PTPRN2: variants seen among roughly 807,000 people sequenced by gnomAD.
The protein encoded by PTPRN2 is receptor-type tyrosine-protein phosphatase N2.
PTPRN2 carries 74 observed loss-of-function variants against 118.8 expected under a neutral mutation model. The ratio of observed to expected loss-of-function variants is 0.62; its 90% CI spans 0.52 to 0.76. The LOEUF (loss-of-function observed/expected upper bound fraction) is 0.76, where lower values mean the gene tolerates loss of function less well. Ranked by LOEUF, PTPRN2 falls within the 30% of genes least tolerant of loss-of-function variation. The pLI is 0.00. For missense variants in PTPRN2, 1,481 were observed against 1,394.4 expected, an observed-to-expected ratio of 1.06 and a Z score of -0.99; for synonymous variants, 641 against 608.0, an observed-to-expected ratio of 1.05 and a Z score of -0.80.
Position 157,887,789 on chromosome 7 carries a change from G to A in PTPRN2, c.1788+10884C>T, listed in dbSNP as rs112429655. On this transcript the variant is annotated intron_variant, in intron 12 of 22. Transcript: ENST00000389418. ...CCCAGTACCTGCTCCCCCAGTACTC[G>A]CTTCCCCAAGTACCCACTCCCCCAG... Among the ~76,000 whole-genome samples, 283 of 34,650 alleles carry A rather than the reference G, an allele frequency of 8.2e-3. 7 individuals are homozygous for A. Among genetic ancestry groups the A allele is most frequent in the African/African-American group, 0.033 (249 of 7,612 alleles). The allele number at this position is 34,650 out of a possible 152,430, so 22.7% of individuals were successfully genotyped here.
chr7:158,436,798 A>AT (rs957166237), intron 2 of PTPRN2, among the ~76,000 whole-genome samples: 1 of 151,900 alleles, frequency 6.6e-6, no homozygotes, highest in African/African-American at 2.4e-5. Flanking sequence ...ATTTCCTATG[A>AT]TTTTTCTCTG....
chr7:157,980,009 A>G (rs536986517), intron 11 of PTPRN2, among the ~76,000 whole-genome samples: 187 of 152,314 alleles, frequency 1.2e-3, no homozygotes, highest in African/African-American at 4.2e-3. Flanking sequence ...TCAGCAATAC[A>G]AGGATCCCCC....
chr7:158,271,539 A>T (rs1336235383), intron 3 of PTPRN2, among the ~76,000 whole-genome samples: 1 of 152,172 alleles, frequency 6.6e-6, no homozygotes, highest in African/African-American at 2.4e-5. Flanking sequence ...GCCAAGCCCC[A>T]TGGGGCAATC....
intron 11 of PTPRN2, among the ~76,000 whole-genome samples, chr7:158,016,401 G>T (rs1264777520): frequency 6.6e-6 from 1 of 152,214 alleles, no homozygotes; most frequent in Non-Finnish European, 1.5e-5. Context: ...AAAGTCACCA[G>T]AGAAGGGCCG....
chr7:157,934,204 C>T (rs1252451370), intron 11 of PTPRN2, among the ~76,000 whole-genome samples: 1 of 152,218 alleles, frequency 6.6e-6, no homozygotes. Context: ...ACCGTGAATG[C>T]TGTTTTCTTC....
intron 2 of PTPRN2, among the ~76,000 whole-genome samples, chr7:158,323,337 G>A (rs1245858814): frequency 6.6e-6 from 1 of 152,114 alleles, no homozygotes; most frequent in African/African-American, 2.4e-5. Flanking sequence ...GTGAACCAGG[G>A]GGCCCCACAT....
chr7:158,523,741 C>T (rs555952245), intron 1 of PTPRN2, among the ~76,000 whole-genome samples: 3 of 82,654 alleles, frequency 3.6e-5, no homozygotes, highest in Non-Finnish European at 6.7e-5. Flanking sequence ...GGAGTGGAGT[C>T]GTCTGCCCTG....
chr7:158,261,208 G>T (rs1471162152), intron 3 of PTPRN2, among the ~76,000 whole-genome samples: 1 of 152,166 alleles, frequency 6.6e-6, no homozygotes, highest in Admixed American at 6.5e-5. Flanking sequence ...TCAGAGAGCA[G>T]GTGGCAGAGG....
At chr7:158,375,598 T>G (rs1012564511) in intron 2 of PTPRN2, among the ~76,000 whole-genome samples, 5 of 152,242 alleles carry the variant, frequency 3.3e-5, no homozygotes, top group African/African-American at 1.2e-4. Context: ...CCCTCAAGCC[T>G]GGAAACCTGT....
At chr7:157,677,410 T>C (rs1341625540) in intron 13 of PTPRN2, among the ~76,000 whole-genome samples, 1 of 152,108 alleles carries the variant, frequency 6.6e-6, no homozygotes, top group Non-Finnish European at 1.5e-5. Context: ...TGTTTAGAGG[T>C]TTCTCTGGCC....
At chr7:158,415,939 G>T (rs546479124) in intron 2 of PTPRN2, among the ~76,000 whole-genome samples, 1 of 152,310 alleles carries the variant, frequency 6.6e-6, no homozygotes, top group South Asian at 2.1e-4. Context: ...CCCTGTGTCT[G>T]CTGTGGCTGG....
At chr7:158,543,184 A>T (rs948318074) in intron 1 of PTPRN2, among the ~76,000 whole-genome samples, 2 of 152,202 alleles carry the variant, frequency 1.3e-5, no homozygotes, top group African/African-American at 4.8e-5. Context: ...GCCCAAAGAA[A>T]TGAGGATGTG....
Position 157,713,945 on chromosome 7 carries a change from C to T in PTPRN2, c.1789-31008G>A, listed in dbSNP as rs118044407. ...AGGAGCGGAAATACAATGGCAGCCG[C>T]GAAGCTCTGGCTACTAAGATGCATT... On this transcript the variant is annotated intron_variant, in intron 12 of 22. Transcript: ENST00000389418. Among the ~76,000 whole-genome samples the T allele has an allele frequency of 3.6e-3, 549 of 152,292 alleles. 2 individuals carry two copies. The highest frequency in any genetic ancestry group is 6.8e-3 in the Middle Eastern group (2 of 294).
At chr7:158,283,380 G>T (rs998843123) in intron 3 of PTPRN2, among the ~76,000 whole-genome samples, 1 of 152,166 alleles carries the variant, frequency 6.6e-6, no homozygotes, top group Non-Finnish European at 1.5e-5. Flanking sequence ...CCGTCCCAGA[G>T]CCCAGCCTCT....
chr7:158,295,541 C>T lies in PTPRN2; in HGVS notation c.277+21278G>A, dbSNP rs1411557672. 4.6e-3 allele frequency among the ~76,000 whole-genome samples: 165 copies of T among 36,216 alleles called. 8 individuals carry two copies. The highest frequency in any genetic ancestry group is 0.018 in the African/African-American group (154 of 8,600). 23.8% of individuals were successfully genotyped at this position (36,216 alleles called of 152,430 possible). A position where few individuals can be genotyped will look rare whatever the true frequency, so the allele number is the denominator to read the frequency against. On this transcript the variant is annotated intron_variant, in intron 3 of 22. Coordinates refer to ENST00000389418, the MANE Select transcript of PTPRN2 (RefSeq NM_002847.5). ...CATGCGCGTGGTTCACCCACCTTTCCGAGGGTCTAAGCCCATGGAGCTCGC... is the reference window on the plus strand; with the variant it reads ...CATGCGCGTGGTTCACCCACCTTTCTGAGGGTCTAAGCCCATGGAGCTCGC...
chr7:158,481,516 G>A (rs1452559524), intron 2 of PTPRN2, among the ~76,000 whole-genome samples: 2 of 152,214 alleles, frequency 1.3e-5, no homozygotes, highest in Non-Finnish European at 2.9e-5. Context: ...CCAAGCTGGA[G>A]TGCAGTGGTG....
intron 11 of PTPRN2, among the ~76,000 whole-genome samples, chr7:158,033,054 C>T (rs1240615782): frequency 6.6e-6 from 1 of 152,052 alleles, no homozygotes; most frequent in Non-Finnish European, 1.5e-5. Flanking sequence ...CTCCCAGGTG[C>T]TGTGCTCAGA....
chr7:158,125,931 C>T (rs950907790), intron 9 of PTPRN2, among the ~76,000 whole-genome samples: 23 of 152,200 alleles, frequency 1.5e-4, no homozygotes, highest in African/African-American at 5.5e-4. Flanking sequence ...GCTCTTCTCG[C>T]TGAACCCCTG....
At position 157,853,799 on chromosome 7, in the gene PTPRN2, C is replaced by T. The variant is rs1244886141; in HGVS notation, c.1788+44874G>A. On this transcript the variant is annotated intron_variant, in intron 12 of 22. Coordinates refer to ENST00000389418, the MANE Select transcript of PTPRN2 (RefSeq NM_002847.5). The stretch of plus-strand genomic sequence containing the variant: ...CGCATGCCAAGCCCTAAGCCCAGTA[C>T]CTGTGGACGTGACCTTATCGGGGAA... Among the ~76,000 whole-genome samples, 3 of 152,180 alleles carry T rather than the reference C, an allele frequency of 2.0e-5. 1 individual carries two copies. In the East Asian group the frequency reaches 5.8e-4, roughly 29 times the overall value.
Sources: gnomAD v4.1 joint callset for allele counts (sites outside exome capture counted in the v4.1 genomes callset) on GRCh38, gnomAD v4.1.1 for gene constraint, MANE v1.5 for transcripts, NCBI Gene and HGNC (gene_info 2026-07-23, HGNC 2026-07-21) for gene names.